The following DYNC1I1 variants were observed in gnomAD, a reference collection of about 807,000 sequenced individuals.
The protein encoded by DYNC1I1 is cytoplasmic dynein 1 intermediate chain 1.
A neutral mutation model predicts 86.6 loss-of-function variants in DYNC1I1; 43 were observed. That is an observed-to-expected ratio of 0.50 (90% CI 0.39 to 0.64). DYNC1I1 has a LOEUF of 0.64. DYNC1I1 is among the 30% of genes least tolerant of loss of function. The pLI, the probability that DYNC1I1 is intolerant of heterozygous loss-of-function variation, is 0.00. For missense variants in DYNC1I1, 604 were observed against 788.8 expected, an observed-to-expected ratio of 0.77 and a Z score of 2.81; for synonymous variants, 262 against 283.7, an observed-to-expected ratio of 0.92 and a Z score of 0.77.
chr7:95,986,677 T>C (rs1245277606), intron 8 of DYNC1I1, among the ~76,000 whole-genome samples: 4 of 151,930 alleles, frequency 2.6e-5, no homozygotes, highest in African/African-American at 9.7e-5. Context: ...TATCAAAGAA[T>C]CCTCTGGTGT....
chr7:95,889,131 C>G (rs557649294), intron 6 of DYNC1I1, among the ~76,000 whole-genome samples: 17 of 152,198 alleles, frequency 1.1e-4, no homozygotes, highest in African/African-American at 4.1e-4. Context: ...TATATATATT[C>G]ACATATATAT....
intron 1 of DYNC1I1, among the ~76,000 whole-genome samples, chr7:95,798,847 T>C (rs2618969): frequency 0.023 from 3,560 of 152,234 alleles, 138 homozygotes; most frequent in African/African-American, 0.081. Flanking sequence ...AACTATACCA[T>C]GATGATATGT....
chr7:96,084,335 G>A (rs1342330733), intron 16 of DYNC1I1, among the ~76,000 whole-genome samples: 11 of 129,668 alleles, frequency 8.5e-5, no homozygotes, highest in Non-Finnish European at 1.9e-4. Flanking sequence ...AAAAAAAATA[G>A]GCCTTAACCT....
chr7:95,793,589 AG>A (rs1441582638), intron 1 of DYNC1I1, among the ~76,000 whole-genome samples: 2 of 152,192 alleles, frequency 1.3e-5, no homozygotes, highest in African/African-American at 2.4e-5. Flanking sequence ...CTATAGCCAC[AG>A]GGTTTGTATT....
intron 1 of DYNC1I1, among the ~76,000 whole-genome samples, chr7:95,776,288 A>G (rs1317554595): frequency 5.3e-5 from 8 of 152,316 alleles, no homozygotes; most frequent in Middle Eastern, 3.4e-3. Flanking sequence ...CTGGCCCCAG[A>G]ATCTCAGAGT....
intron 16 of DYNC1I1, among the ~76,000 whole-genome samples, chr7:96,095,875 T>C (rs1158562747): frequency 6.6e-6 from 1 of 152,040 alleles, no homozygotes; most frequent in Admixed American, 6.6e-5. Context: ...GAGTCCAAAG[T>C]AGGGAAAACA....
intron 6 of DYNC1I1, among the ~76,000 whole-genome samples, chr7:95,921,903 G>C (rs1791620713): frequency 6.6e-6 from 1 of 152,114 alleles, no homozygotes; most frequent in Non-Finnish European, 1.5e-5. Context: ...CAATTACTGA[G>C]TATTGTATCT....
At chr7:95,830,084 A>G (rs559090881) in intron 5 of DYNC1I1, among the ~76,000 whole-genome samples, 1 of 152,190 alleles carries the variant, frequency 6.6e-6, no homozygotes, top group African/African-American at 2.4e-5. Context: ...ACAATTTCAA[A>G]TATTGCCTTA....
intron 10 of DYNC1I1, among the ~76,000 whole-genome samples, chr7:96,003,224 G>T (rs1794057042): frequency 6.6e-6 from 1 of 152,192 alleles, no homozygotes; most frequent in African/African-American, 2.4e-5. Flanking sequence ...TTTGCCACTT[G>T]CGAGGTACAG....
intron 7 of DYNC1I1, among the ~76,000 whole-genome samples, chr7:95,983,820 G>T (rs1379261350): frequency 1.3e-5 from 2 of 152,118 alleles, no homozygotes; most frequent in African/African-American, 4.8e-5. Context: ...CCCTCCTCCT[G>T]TAAGTTTAAC....
chr7:96,013,622 C>A (rs1345055390), intron 10 of DYNC1I1, among the ~76,000 whole-genome samples: 1 of 152,104 alleles, frequency 6.6e-6, no homozygotes, highest in African/African-American at 2.4e-5. Context: ...CCACGCCTGG[C>A]TAATTTTTGT....
intron 6 of DYNC1I1, among the ~76,000 whole-genome samples, chr7:95,947,112 A>G (rs879463248): frequency 1.3e-5 from 2 of 152,208 alleles, no homozygotes; most frequent in Non-Finnish European, 2.9e-5. Context: ...TCTGAGTTGC[A>G]ATTTCCTCTG....
chr7:96,097,494 C>T lies in DYNC1I1; in HGVS notation c.1788C>T (p.Pro596=). Residue 596 remains proline, a synonymous_variant, in exon 17 of 17, where the codon CCC becomes CCT. Transcript: ENST00000447467. ...GATTTGCTTTGCAGCTTGCAGTTCC[C>T]CACAATGATGAATGGACCCGATTTG... ...WVYDVGELAV[P]HNDEWTRFAR... is the part of the protein sequence containing the mutation. 1 of 1,613,640 alleles carries T rather than the reference C, an allele frequency of 6.2e-7. No individual in the cohort carries two copies. The highest frequency in any genetic ancestry group is 8.5e-7 in the Non-Finnish European group (1 of 1,179,708).
intron 14 of DYNC1I1, among the ~76,000 whole-genome samples, chr7:96,043,835 G>A (rs550785157): frequency 5.9e-5 from 9 of 151,612 alleles, no homozygotes; most frequent in Admixed American, 2.6e-4. Flanking sequence ...TTAGCCTTCC[G>A]AGCAGCTGGG....
At chr7:95,871,973 C>T (rs976278671) in intron 6 of DYNC1I1, among the ~76,000 whole-genome samples, 1 of 152,354 alleles carries the variant, frequency 6.6e-6, no homozygotes, top group Middle Eastern at 3.4e-3. Context: ...TGGATTTGGA[C>T]AGAAAAACCT....
intron 6 of DYNC1I1, among the ~76,000 whole-genome samples, chr7:95,907,396 G>A (rs879563092): frequency 1.3e-4 from 20 of 152,062 alleles, no homozygotes; most frequent in African/African-American, 3.6e-4. Context: ...CTGTCTTCCC[G>A]GAGAATAATC....
At chr7:96,048,325 T>C (rs548443218) in intron 14 of DYNC1I1, among the ~76,000 whole-genome samples, 3 of 152,312 alleles carry the variant, frequency 2.0e-5, no homozygotes, top group South Asian at 4.2e-4. Context: ...TTCAAAGCTG[T>C]CCACAGTCTG....
At chr7:95,875,448 T>G (rs925304298) in intron 6 of DYNC1I1, among the ~76,000 whole-genome samples, 4 of 152,178 alleles carry the variant, frequency 2.6e-5, no homozygotes, top group Admixed American at 6.5e-5. Flanking sequence ...CTAGTTGACA[T>G]GGAGAAAATA....
rs184475119 is a variant in DYNC1I1, at chr7:95,914,851, C to G, written c.490+44853C>G. The stretch of plus-strand genomic sequence containing the variant: ...TCTCGTGGCCTTTTCCTCCAGAAGT[C>G]TTGTTTGAGTAATCAGAAGTCATGT... On this transcript the variant is annotated intron_variant, in intron 6 of 16. Transcript: ENST00000447467. Among the ~76,000 whole-genome samples, 1,202 of 152,228 alleles carry G rather than the reference C, an allele frequency of 7.9e-3. 9 individuals are homozygous for G. Among genetic ancestry groups the G allele is most frequent in the Non-Finnish European group, 0.011 (737 of 68,008 alleles).
Sources: allele counts gnomAD v4.1 joint callset (sites outside exome capture counted in the v4.1 genomes callset), GRCh38; gene constraint gnomAD v4.1.1; transcripts MANE v1.5; gene names NCBI Gene and HGNC (gene_info 2026-07-23, HGNC 2026-07-21).